Variants in ITPR1 observed in about 807,000 individuals in gnomAD.
ITPR1 encodes the protein inositol 1,4,5-trisphosphate-gated calcium channel ITPR1.
ITPR1 carries 96 observed loss-of-function variants against 318.4 expected under a neutral mutation model. The ratio of observed to expected loss-of-function variants is 0.30; its 90% CI spans 0.26 to 0.36. The LOEUF is 0.36. Ranked by LOEUF, ITPR1 falls within the 10% of genes least tolerant of loss-of-function variation. The probability of loss-of-function intolerance (pLI) is 1.00; values close to 1 mark genes in which losing one functional copy is unlikely to be tolerated. For synonymous variants in ITPR1, 1,312 were observed against 1,289.9 expected (o/e 1.02, Z -0.37); for missense variants, 2,440 against 3,460.2 (o/e 0.71, Z 7.40).
At position 4,733,234 on chromosome 3, in the gene ITPR1, T is replaced by C. The variant is rs2043050614; in HGVS notation, c.5353+14T>C. The C allele has an allele frequency of 6.2e-7, 1 of 1,613,120 alleles. No homozygotes were observed. Among genetic ancestry groups the C allele is most frequent in the African/African-American group, 1.3e-5 (1 of 75,040 alleles). On this transcript the variant is annotated intron_variant, in intron 43 of 61. Coordinates refer to ENST00000649015, the MANE Select transcript of ITPR1 (RefSeq NM_001378452.1). ...CCGGGGGAGGAGGTACGCTTTGTGG[T>C]GTAATTACCTTCGTGTGTGAATCAA...
At chr3:4,839,218 T>G (rs2051157597) in intron 61 of ITPR1, among the ~76,000 whole-genome samples, 2 of 151,892 alleles carry the variant, frequency 1.3e-5, no homozygotes, top group Non-Finnish European at 2.9e-5. Context: ...TCACAGCTAC[T>G]CAGGAGGCTG....
intron 4 of ITPR1, among the ~76,000 whole-genome samples, chr3:4,619,515 GC>G (rs1471212525): frequency 3.2e-5 from 4 of 124,686 alleles, no homozygotes; most frequent in Non-Finnish European, 6.6e-5. Flanking sequence ...CTCTCCTTCT[GC>G]CCCTTCTCCA....
At chr3:4,622,105 T>C (rs1262677812) in intron 4 of ITPR1, among the ~76,000 whole-genome samples, 1 of 148,710 alleles carries the variant, frequency 6.7e-6, no homozygotes, top group African/African-American at 2.5e-5. Context: ...CAGCACATAG[T>C]AGACTTTTTT....
At chr3:4,638,949 T>C (rs2093271392) in intron 5 of ITPR1, among the ~76,000 whole-genome samples, 1 of 152,176 alleles carries the variant, frequency 6.6e-6, no homozygotes, top group African/African-American at 2.4e-5. Flanking sequence ...TGATATTAAA[T>C]AACACATTCA....
intron 4 of ITPR1, among the ~76,000 whole-genome samples, chr3:4,609,089 T>TATACAC (rs1171860541): frequency 1.1e-5 from 1 of 91,936 alleles, no homozygotes; most frequent in Non-Finnish European, 2.3e-5. Flanking sequence ...TATATATATA[T>TATACAC]ACACACACAC....
chr3:4,698,480 C>T (rs2094593751), intron 34 of ITPR1, among the ~76,000 whole-genome samples: 2 of 152,138 alleles, frequency 1.3e-5, no homozygotes, highest in South Asian at 4.2e-4. Context: ...AATCAGTGCT[C>T]TGTGAAATTT....
chr3:4,566,604 G>GCACACACACACACACA lies in ITPR1; in HGVS notation c.163+45534_163+45549dup, dbSNP rs57756103. Reference sequence around the variant, plus strand: ...CCAGGAAGCCTGAATGGGGACACATGCACACACACACACACACACACACAC... The same window carrying GCACACACACACACACA: ...CCAGGAAGCCTGAATGGGGACACATGCACACACACACACACACACACACACACACACACACACACAC... On this transcript the variant is annotated intron_variant, in intron 4 of 61. Coordinates refer to ENST00000649015, the MANE Select transcript of ITPR1 (RefSeq NM_001378452.1). Among the ~76,000 whole-genome samples the GCACACACACACACACA allele has an allele frequency of 3.7e-3, 517 of 140,966 alleles. 5 individuals carry two copies. Among genetic ancestry groups the GCACACACACACACACA allele is most frequent in the African/African-American group, 0.012 (458 of 37,082 alleles). The allele number at this position is 140,966 out of a possible 152,430, so 92.5% of individuals were successfully genotyped here. A position where few individuals can be genotyped will look rare whatever the true frequency, so the allele number is the denominator to read the frequency against.
At chr3:4,541,542 C>G (rs1191400409) in intron 4 of ITPR1, among the ~76,000 whole-genome samples, 1 of 151,810 alleles carries the variant, frequency 6.6e-6, no homozygotes, top group Non-Finnish European at 1.5e-5. Flanking sequence ...TTTTATTTAT[C>G]CTGCATGATA....
intron 40 of ITPR1, among the ~76,000 whole-genome samples, chr3:4,720,517 G>C (rs1446150576): frequency 6.6e-6 from 1 of 152,180 alleles, no homozygotes; most frequent in Admixed American, 6.5e-5. Flanking sequence ...TCTGTAGAAG[G>C]GATTGGTGTG....
At position 4,650,640 on chromosome 3, in the gene ITPR1, TGTGTGCGC is replaced by T. The variant is rs1216686072; in HGVS notation, c.856-1481_856-1474del. 9.8e-3 allele frequency among the ~76,000 whole-genome samples: 1,372 copies of T among 140,228 alleles called. 35 individuals are homozygous for T. Among genetic ancestry groups the T allele is most frequent in the African/African-American group, 0.037 (1,284 of 34,680 alleles). The allele number at this position is 140,228 out of a possible 152,430, so 92.0% of individuals were successfully genotyped here. A position where few individuals can be genotyped will look rare whatever the true frequency, so the allele number is the denominator to read the frequency against. On this transcript the variant is annotated intron_variant, in intron 10 of 61. Coordinates refer to ENST00000649015, the MANE Select transcript of ITPR1 (RefSeq NM_001378452.1). ...GTGTGTGTGTGTGTGTGTGTGTGTG[TGTGTGCGC>T]GCGTCTGTCTGTGTCTGTGTGTTTA...
At chr3:4,641,319 G>A (rs2093333351) in intron 6 of ITPR1, among the ~76,000 whole-genome samples, 3 of 152,162 alleles carry the variant, frequency 2.0e-5, no homozygotes, top group Admixed American at 2.0e-4. Flanking sequence ...AAAGTACTTG[G>A]AAATTCAAGC....
chr3:4,732,643 A>G (rs374973973), intron 42 of ITPR1, among the ~76,000 whole-genome samples: 6 of 152,270 alleles, frequency 3.9e-5, no homozygotes, highest in African/African-American at 1.4e-4. Context: ...GGCTTATTGT[A>G]TCATCTTATT....
At chr3:4,510,813 G>A (rs1034342846) in intron 2 of ITPR1, among the ~76,000 whole-genome samples, 1 of 152,188 alleles carries the variant, frequency 6.6e-6, no homozygotes, top group Non-Finnish European at 1.5e-5. Flanking sequence ...AGATTTTCTG[G>A]TGGAAATGGT....
At position 4,579,916 on chromosome 3, in the gene ITPR1, A is replaced by G. The variant is rs542085689; in HGVS notation, c.164-47847A>G. Among the ~76,000 whole-genome samples the G allele has an allele frequency of 2.0e-5, 3 of 148,590 alleles. No individual in the cohort carries two copies. The South Asian group carries it at 6.3e-4, about 31-fold the overall frequency. ...TTTGAATGTTAAATTCAGCCTTAAAAAAAACCTTTATTAGCCAGGTGCGGT... is the reference window on the plus strand; with the variant it reads ...TTTGAATGTTAAATTCAGCCTTAAAGAAAACCTTTATTAGCCAGGTGCGGT... On this transcript the variant is annotated intron_variant, in intron 4 of 61. Transcript: ENST00000649015.
intron 26 of ITPR1, among the ~76,000 whole-genome samples, chr3:4,682,995 C>G (rs1195346848): frequency 6.6e-6 from 1 of 152,162 alleles, no homozygotes; most frequent in Non-Finnish European, 1.5e-5. Flanking sequence ...TTGAATTCAG[C>G]CTGGGCAACA....
intron 4 of ITPR1, among the ~76,000 whole-genome samples, chr3:4,544,270 A>G (rs1186995969): frequency 6.6e-6 from 1 of 152,194 alleles, no homozygotes; most frequent in Non-Finnish European, 1.5e-5. Flanking sequence ...TTGGTTGCAC[A>G]TTGAGGAATC....
At chr3:4,611,280 C>T (rs911529068) in intron 4 of ITPR1, among the ~76,000 whole-genome samples, 3 of 149,354 alleles carry the variant, frequency 2.0e-5, no homozygotes, top group African/African-American at 7.5e-5. Context: ...ATTAGCCCAG[C>T]TGAGTGCAGT....
At chr3:4,529,120 T>G (rs564142846) in intron 4 of ITPR1, among the ~76,000 whole-genome samples, 2 of 152,314 alleles carry the variant, frequency 1.3e-5, no homozygotes, top group Non-Finnish European at 2.9e-5. Context: ...AAAATGAGCA[T>G]AAGGGAATTT....
rs150494528 is a variant in ITPR1, at chr3:4,667,954, G to T, written c.1886+405G>T. 4.3e-3 allele frequency among the ~76,000 whole-genome samples: 647 copies of T among 152,194 alleles called. 3 individuals carry two copies. Among genetic ancestry groups the T allele is most frequent in the Middle Eastern group, 0.01 (3 of 294 alleles). On this transcript the variant is annotated intron_variant, in intron 18 of 61. Transcript: ENST00000649015. ...TTTAATTTTTGTGGGTACGTAGTAG[G>T]TGTATATATTTATGGGGTACATGAG...
Sources: gnomAD v4.1 joint callset for allele counts (sites outside exome capture counted in the v4.1 genomes callset) on GRCh38, gnomAD v4.1.1 for gene constraint, MANE v1.5 for transcripts, NCBI Gene and HGNC (gene_info 2026-07-23, HGNC 2026-07-21) for gene names.